The following EXD3 variants were observed in gnomAD, a reference collection of about 807,000 sequenced individuals.
EXD3 encodes exonuclease mut-7 homolog.
A neutral mutation model predicts 98.0 loss-of-function variants in EXD3; 92 were observed. The observed-to-expected ratio is 0.94, with a 90% CI of 0.79 to 1.12. The LOEUF (loss-of-function observed/expected upper bound fraction) is 1.12, where lower values mean the gene tolerates loss of function less well. Ranked by LOEUF, EXD3 falls within the 50% of genes most tolerant of loss-of-function variation. EXD3 has a pLI of 0.00. For synonymous variants in EXD3, 569 were observed against 526.0 expected (o/e 1.08, Z -1.12); for missense variants, 1,222 against 1,191.6 (o/e 1.03, Z -0.38).
Position 137,353,231 on chromosome 9 carries a change from A to AGCCTCCAAGCCTCCACTGGCCCTCCTG in EXD3, c.871-472_871-446dup, listed in dbSNP as rs1189203771. On this transcript the variant is annotated intron_variant, in intron 10 of 21. Transcript: ENST00000340951. ...CCTCCAAGCCTCCACTGACCTTTCC[A>AGCCTCCAAGCCTCCACTGGCCCTCCTG]GCCTCCAAGCCTCCACTGGCCCTCC... The AGCCTCCAAGCCTCCACTGGCCCTCCTG allele has an allele frequency of 1.5e-5, 14 of 961,550 alleles. No homozygotes were observed. In the Admixed American group the frequency reaches 9.9e-4, roughly 68 times the overall value. 59.6% of individuals were successfully genotyped at this position (961,550 alleles called of 1,614,324 possible).
At chr9:137,337,611 A>G (rs1588290506) in intron 17 of EXD3, among the ~76,000 whole-genome samples, 1 of 151,606 alleles carries the variant, frequency 6.6e-6, no homozygotes. Flanking sequence ...AGATTTCGCC[A>G]CTGCACTCCA....
intron 3 of EXD3, among the ~76,000 whole-genome samples, chr9:137,376,201 G>A (rs577694895): frequency 2.4e-4 from 36 of 151,728 alleles, no homozygotes; most frequent in African/African-American, 8.0e-4. Flanking sequence ...AAAATTAGCC[G>A]GGCATGGTGG....
intron 3 of EXD3, chr9:137,374,786 C>T (rs1835811836): frequency 1.0e-6 from 1 of 985,480 alleles, no homozygotes; most frequent in Non-Finnish European, 1.2e-6. Flanking sequence ...GGAAAGCCGC[C>T]CTTAAACAAA....
intron 2 of EXD3, among the ~76,000 whole-genome samples, chr9:137,387,850 G>A (rs1202064141): frequency 1.3e-5 from 2 of 152,174 alleles, no homozygotes; most frequent in Non-Finnish European, 2.9e-5. Context: ...AGCTCCGTGG[G>A]TGGCCTCTGG....
At chr9:137,368,361 A>T in intron 5 of EXD3, among the ~76,000 whole-genome samples, 1 of 152,196 alleles carries the variant, frequency 6.6e-6, no homozygotes. Context: ...GTGACCTCCC[A>T]CACGACCCAT....
intron 20 of EXD3, 61 bp from the exon 21 acceptor site, chr9:137,307,707 C>CGG: frequency 1.3e-6 from 2 of 1,585,246 alleles, no homozygotes; most frequent in South Asian, 2.2e-5. Flanking sequence ...TGGCAGCCAG[C>CGG]GGGGTCCATG....
At chr9:137,367,067 G>C (rs1835295405) in intron 6 of EXD3, among the ~76,000 whole-genome samples, 1 of 152,214 alleles carries the variant, frequency 6.6e-6, no homozygotes, top group Admixed American at 6.5e-5. Context: ...TGTGGCGCTG[G>C]GCCTTGGGGC....
In EXD3 at chr9:137,349,133, AC is replaced by A. The variant is rs1834111034; in HGVS notation, c.1806del (p.Ser603GlnfsTer74). ...ACCTGCCTGGGTGCGGCCGGTGCTG[AC>A]GCTTTCTGCAGGCCGGGTGGCTTCC... ...GARKPPGLQKASAPAAPRQVP... is the reference protein window; with the variant it reads ...GARKPPGLQKXSAPAAPRQVP... On this transcript the variant is annotated frameshift_variant, in exon 16 of 22. Coordinates refer to ENST00000340951, the MANE Select transcript of EXD3 (RefSeq NM_017820.5). LOFTEE classifies it high-confidence loss of function. The surrounding 1 kb of genome is among the most constrained non-coding windows in gnomAD (Gnocchi z 7.4). 1 of 1,598,996 alleles carries A rather than the reference AC, an allele frequency of 6.3e-7. No individual in the cohort carries two copies. The highest frequency in any genetic ancestry group is 8.5e-7 in the Non-Finnish European group (1 of 1,178,538).
rs1225889953 is a variant in EXD3, at chr9:137,368,914, A to AG, written c.463-926dup. 3.8e-5 allele frequency among the ~76,000 whole-genome samples: 3 copies of AG among 79,158 alleles called. No individual in the cohort carries two copies. The Admixed American group carries it at 4.9e-4, about 13-fold the overall frequency. The allele number at this position is 79,158 out of a possible 152,430, so 51.9% of individuals were successfully genotyped here. ...GGGGCGGGGCCCCAGGGCTGTGGGC[A>AG]GGGGCGCCTGGCCCGGGAAGGGAGT... On this transcript the variant is annotated intron_variant, in intron 5 of 21. Coordinates refer to ENST00000340951, the MANE Select transcript of EXD3 (RefSeq NM_017820.5).
chr9:137,405,410 G>A lies in EXD3; in HGVS notation c.-47-10006C>T, dbSNP rs141183059. On this transcript the variant is annotated intron_variant, in intron 1 of 21. Transcript: ENST00000340951. This position sits in a 1 kb window ranked among gnomAD's most constrained non-coding sequence, Gnocchi z 4.1. ...CCCCACACAGGTCCTGGACTCATTCGTGCTGGTGTCCGTGGCCCAAGGATT... is the reference window on the plus strand; with the variant it reads ...CCCCACACAGGTCCTGGACTCATTCATGCTGGTGTCCGTGGCCCAAGGATT... Among the ~76,000 whole-genome samples, 2 of 152,236 alleles carry A rather than the reference G, an allele frequency of 1.3e-5. No homozygotes were observed. Among genetic ancestry groups the A allele is most frequent in the African/African-American group, 2.4e-5 (1 of 41,470 alleles).
Position 137,349,327 on chromosome 9 carries a change from G to A in EXD3, c.1657+42C>T. 1 of 1,552,940 alleles carries A rather than the reference G, an allele frequency of 6.4e-7. No homozygotes were observed. ...CAGCCTCCCGGGACAGAGGGCGGGA[G>A]GGGCGTGAGGAGGGGTCACTCCCAC... On this transcript the variant is annotated intron_variant, in intron 15 of 21. Transcript: ENST00000340951. This position sits in a 1 kb window ranked among gnomAD's most constrained non-coding sequence, Gnocchi z 7.4.
intron 5 of EXD3, among the ~76,000 whole-genome samples, chr9:137,372,280 G>A (rs1230882194): frequency 6.6e-6 from 1 of 152,214 alleles, no homozygotes; most frequent in East Asian, 1.9e-4. Flanking sequence ...TGCGACTGGT[G>A]CCCTGGCCCT....
chr9:137,372,242 A>C (rs188547804), intron 5 of EXD3, among the ~76,000 whole-genome samples: 1 of 152,320 alleles, frequency 6.6e-6, no homozygotes, highest in East Asian at 1.9e-4. Flanking sequence ...GATCCGACGC[A>C]TCTCGCACCT....
intron 2 of EXD3, among the ~76,000 whole-genome samples, chr9:137,390,224 A>T (rs1297182449): frequency 6.7e-6 from 1 of 150,008 alleles, no homozygotes; most frequent in African/African-American, 2.5e-5. Flanking sequence ...AGGTCAGGAG[A>T]TCGAGACCAT....
chr9:137,411,543 G>A (rs1414971855), intron 1 of EXD3, among the ~76,000 whole-genome samples: 2 of 151,878 alleles, frequency 1.3e-5, no homozygotes, highest in African/African-American at 4.8e-5. Flanking sequence ...CCCCTGAACA[G>A]GCCGACCTTG....
intron 8 of EXD3, among the ~76,000 whole-genome samples, chr9:137,355,433 G>A (rs1310876926): frequency 3.3e-5 from 4 of 122,496 alleles, no homozygotes; most frequent in Non-Finnish European, 3.3e-5. Context: ...GAGGAAGGAG[G>A]ATGGAGGAAG....
chr9:137,366,604 T>C lies in EXD3; in HGVS notation c.545A>G (p.Lys182Arg), dbSNP rs758679040. ...KMSIPLLLQD[K>R]VALVERYVAG... ...CACATAGCGCTCCACGAGGGCCACC[T>C]TGTCCTGGAGGAGCAGTGGGATGCT... Residue 182 changes from lysine (K) to arginine (R), a missense_variant, in exon 7 of 22, where the codon AAG becomes AGG. Physicochemically the swap from Lys to Arg is conservative, Grantham distance 26. Transcript: ENST00000340951. 137 of 1,556,984 alleles carry C rather than the reference T, an allele frequency of 8.8e-5. No individual in the cohort carries two copies. Among genetic ancestry groups the C allele is most frequent in the Non-Finnish European group, 1.1e-4 (126 of 1,151,502 alleles).
At chr9:137,342,478 A>G (rs1833697751) in intron 17 of EXD3, among the ~76,000 whole-genome samples, 1 of 152,188 alleles carries the variant, frequency 6.6e-6, no homozygotes, top group Non-Finnish European at 1.5e-5. Flanking sequence ...AGTTGTAATG[A>G]CATTTGTGAA....
chr9:137,414,580 A>C (rs1457167053), intron 1 of EXD3, among the ~76,000 whole-genome samples: 1 of 152,164 alleles, frequency 6.6e-6, no homozygotes, highest in Non-Finnish European at 1.5e-5. Flanking sequence ...TCGATAACAC[A>C]CGAGGGTTCT....
Sources: allele counts gnomAD v4.1 joint callset (sites outside exome capture counted in the v4.1 genomes callset), GRCh38; gene constraint gnomAD v4.1.1; non-coding constraint Gnocchi (gnomAD v3.1); transcripts MANE v1.5; gene names NCBI Gene and HGNC (gene_info 2026-07-23, HGNC 2026-07-21).